Variants in BCOR observed in about 807,000 individuals in gnomAD.
BCOR encodes the protein BCL-6 corepressor.
In BCOR, 10 loss-of-function variants were observed where a neutral mutation model predicts 86.7. That is an observed-to-expected ratio of 0.12 (90% confidence interval 0.07 to 0.20). The LOEUF is 0.20. BCOR is among the 10% of genes least tolerant of loss of function. BCOR has a pLI of 1.00. For synonymous variants in BCOR, 611 were observed against 609.0 expected (o/e 1.00, Z -0.05); for missense variants, 1,259 against 1,452.1 (o/e 0.87, Z 2.16).
In BCOR at chrX:40,064,486, C is replaced by G; in HGVS notation, c.3352G>C (p.Asp1118His). ...ERQPVSEPPADQVASDMPHSP... is the reference protein window; with the variant it reads ...ERQPVSEPPAHQVASDMPHSP... The stretch of plus-strand genomic sequence containing the variant: ...TGAGGCATGTCCGAGGCCACCTGGT[C>G]TGCGGGAGGCTCGCTCACAGGCTGC... Residue 1118 changes from aspartate to histidine, a missense_variant, in exon 7 of 15, where the codon GAC becomes CAC. Around this residue, in one of 7 missense-constraint regions of BCOR, gnomAD observed 305 missense variants for 286.1 expected, o/e 1.07. Transcript: ENST00000378444. The G allele has an allele frequency of 8.2e-7, 1 of 1,212,391 alleles. No homozygotes were observed. Among genetic ancestry groups the G allele is most frequent in the Non-Finnish European group, 1.1e-6 (1 of 895,650 alleles).
intron 1 of BCOR, among the ~76,000 whole-genome samples, chrX:40,086,479 A>C (rs1230879489): frequency 8.9e-6 from 1 of 112,614 alleles, no homozygotes; most frequent in African/African-American, 3.2e-5. Context: ...GCCTCACCAC[A>C]AGTTCCCTAA....
chrX:40,140,074 G>T (rs1344315609), intron 1 of BCOR, among the ~76,000 whole-genome samples: 1 of 110,747 alleles, frequency 9.0e-6, no homozygotes, highest in Non-Finnish European at 1.9e-5. Flanking sequence ...CAGCAGGTCA[G>T]CTGCTGGGAG....
chrX:40,075,983 C>T (rs184070368), intron 3 of BCOR, among the ~76,000 whole-genome samples: 4 of 111,143 alleles, frequency 3.6e-5, no homozygotes, highest in African/African-American at 1.3e-4. Context: ...GAACAAGAAA[C>T]GATCTTCGAT....
At chrX:40,173,584 AGACCGTCCCATAAAG>A (rs1044137438) in intron 1 of BCOR, among the ~76,000 whole-genome samples, 1 of 112,349 alleles carries the variant, frequency 8.9e-6, no homozygotes, top group African/African-American at 3.2e-5. Flanking sequence ...GGTCTCCACT[AGACCGTCCCATAAAG>A]GCTTGTGTGT....
Position 40,073,661 on chromosome X carries a change from G to A in BCOR, c.1685C>T (p.Ser562Leu), listed in dbSNP as rs147493277. The stretch of plus-strand genomic sequence containing the variant: ...TGCGGAGGCTGGGCGGCCTGCACTC[G>A]ACACTGACCCTGAAACGTTAGTGAT... ...AVITNVSGSV[S>L]SAGRPASASP... Residue 562 changes from serine (S) to leucine (L), a missense_variant, in exon 4 of 15, where the codon TCG becomes TTG. Coordinates refer to ENST00000378444, the MANE Select transcript of BCOR (RefSeq NM_001123385.2). The A allele has an allele frequency of 4.7e-5, 57 of 1,211,453 alleles. No homozygotes were observed. The highest frequency in any genetic ancestry group is 6.3e-5 in the Non-Finnish European group (56 of 895,541).
At chrX:40,170,032 C>A (rs1436750444) in intron 1 of BCOR, among the ~76,000 whole-genome samples, 1 of 112,761 alleles carries the variant, frequency 8.9e-6, no homozygotes, top group South Asian at 3.6e-4. Context: ...GGTCACGCTG[C>A]CTGAGCCCAT....
intron 1 of BCOR, among the ~76,000 whole-genome samples, chrX:40,111,813 G>T (rs1344751538): frequency 3.6e-5 from 4 of 111,560 alleles, no homozygotes; most frequent in Non-Finnish European, 7.5e-5. Flanking sequence ...TTTCAGAAAT[G>T]GGAACACACT....
At chrX:40,068,825 G>A (rs898002140) in intron 6 of BCOR, among the ~76,000 whole-genome samples, 5 of 112,659 alleles carry the variant, frequency 4.4e-5, no homozygotes, top group African/African-American at 9.7e-5. Context: ...TCCTAACCAC[G>A]GTGTTGTCCA....
At position 40,070,964 on chromosome X, in the gene BCOR, TTTAC is replaced by T; in HGVS notation, c.3238+5_3238+8del. On this transcript the variant is annotated splice_donor_5th_base_variant and intron_variant, in intron 6 of 14. Coordinates refer to ENST00000378444, the MANE Select transcript of BCOR (RefSeq NM_001123385.2). The stretch of plus-strand genomic sequence containing the variant: ...GGCCAACACAAGCAAACTGCTCAGG[TTTAC>T]TTACATCTCTCACTTTCGTTCTGTT... The T allele has an allele frequency of 8.3e-7, 1 of 1,209,634 alleles. No individual in the cohort carries two copies. The highest frequency in any genetic ancestry group is 1.1e-6 in the Non-Finnish European group (1 of 894,555).
At position 40,055,641 on chromosome X, in the gene BCOR, C is replaced by T. The variant is rs181037510; in HGVS notation, c.4596-128G>A. ...CCTTGGGTACTGAGCCTCCTAAGCACAGTATTTCATCCAGGAGGTGTGCAC... is the reference window on the plus strand; with the variant it reads ...CCTTGGGTACTGAGCCTCCTAAGCATAGTATTTCATCCAGGAGGTGTGCAC... On this transcript the variant is annotated intron_variant, in intron 11 of 14. Transcript: ENST00000378444. 9.4e-6 allele frequency: 7 copies of T among 743,889 alleles called. No homozygotes were observed. In the East Asian group the frequency reaches 2.0e-4, roughly 22 times the overall value. The allele number at this position is 743,889 out of a possible 1,213,427, so 61.3% of individuals were successfully genotyped here. A position where few individuals can be genotyped will look rare whatever the true frequency, so the allele number is the denominator to read the frequency against.
chrX:40,091,435 G>GGCA (rs917379840), intron 1 of BCOR, among the ~76,000 whole-genome samples: 2 of 112,182 alleles, frequency 1.8e-5, no homozygotes, highest in African/African-American at 6.5e-5. Context: ...GAGCCCGTGG[G>GGCA]TGCCGGCTGT....
In BCOR at chrX:40,074,289, T is replaced by C. The variant is rs1452196624; in HGVS notation, c.1057A>G (p.Thr353Ala). The C allele has an allele frequency of 1.7e-6, 2 of 1,210,284 alleles. No individual in the cohort carries two copies. The highest frequency in any genetic ancestry group is 2.2e-6 in the Non-Finnish European group (2 of 895,273). ...TAGTGCTTGTGGAACTCCGAGTAGG[T>C]GTCTGCAGCAGGCTGGGTGGGAAGG... The part of the protein sequence containing the change: ...VHLPTQPAAD[T>A]YSEFHKHYAR... The change falls in exon 4 of 15, where the codon ACC becomes GCC. Residue 353 changes from threonine to alanine, a missense_variant. Thr to Ala is a moderately conservative substitution (Grantham distance 58). Coordinates refer to ENST00000378444, the MANE Select transcript of BCOR (RefSeq NM_001123385.2).
intron 1 of BCOR, among the ~76,000 whole-genome samples, chrX:40,172,989 T>C (rs1602287470): frequency 8.9e-6 from 1 of 112,683 alleles, no homozygotes; most frequent in African/African-American, 3.2e-5. Flanking sequence ...ACCCCTTCCT[T>C]GCCGCGGAGG....
At chrX:40,067,670 CCT>C (rs1935270785) in intron 6 of BCOR, among the ~76,000 whole-genome samples, 1 of 111,646 alleles carries the variant, frequency 9.0e-6, no homozygotes, top group African/African-American at 3.3e-5. Flanking sequence ...TCCTTCAACC[CCT>C]GAGCCTCTCA....
Position 40,063,090 on chromosome X carries a change from A to T in BCOR, c.3848-19T>A. On this transcript the variant is annotated intron_variant, in intron 8 of 14. Coordinates refer to ENST00000378444, the MANE Select transcript of BCOR (RefSeq NM_001123385.2). ...GGCAAGCCTAAATACGGAGGGGGTG[A>T]CGGGGTGGCGGGCGGATGGGAGACG... 1.5e-6 allele frequency: 1 copy of T among 684,926 alleles called. No individual in the cohort carries two copies. The highest frequency in any genetic ancestry group is 1.9e-6 in the Non-Finnish European group (1 of 527,704). 56.4% of individuals were successfully genotyped at this position (684,926 alleles called of 1,213,427 possible).
At chrX:40,119,250 T>TG (rs1372763210) in intron 1 of BCOR, among the ~76,000 whole-genome samples, 2 of 109,890 alleles carry the variant, frequency 1.8e-5, no homozygotes, top group African/African-American at 6.6e-5. Context: ...TGTTGTTTTT[T>TG]TTTTTTTTTT....
chrX:40,073,639 G>A lies in BCOR; in HGVS notation c.1707C>T (p.Ser569=), dbSNP rs1438078198. 43 of 1,211,255 alleles carry A rather than the reference G, an allele frequency of 3.6e-5. No individual in the cohort carries two copies. The highest frequency in any genetic ancestry group is 1.8e-4 in the East Asian group (6 of 33,794). Residue 569 remains serine, a synonymous_variant, in exon 4 of 15, where the codon TCC becomes TCT. Coordinates refer to ENST00000378444, the MANE Select transcript of BCOR (RefSeq NM_001123385.2). ...CATTGGCATTGGGGGCGGGTGATGC[G>A]GAGGCTGGGCGGCCTGCACTCGACA... is the stretch of plus-strand genomic sequence containing the variant. ...GSVSSAGRPA[S]ASPAPNANAD...
At chrX:40,062,481 T>G in intron 9 of BCOR, 88 bp from the exon 10 acceptor site, 1 of 1,099,668 alleles carries the variant, frequency 9.1e-7, no homozygotes, top group South Asian at 2.0e-5. Flanking sequence ...GTGACAAACC[T>G]GCGTGGAGAG....
At chrX:40,157,030 C>G (rs1266564263) in intron 1 of BCOR, among the ~76,000 whole-genome samples, 1 of 113,594 alleles carries the variant, frequency 8.8e-6, no homozygotes, top group African/African-American at 3.2e-5. Context: ...AAAAGGTCAG[C>G]GGTAACCCAT....
Sources: gnomAD v4.1 joint callset for allele counts (sites outside exome capture counted in the v4.1 genomes callset) on GRCh38, gnomAD v4.1.1 for gene constraint, gnomAD v4.1.1 regional missense constraint, MANE v1.5 for transcripts, NCBI Gene and HGNC (gene_info 2026-07-23, HGNC 2026-07-21) for gene names.